The following MCPH1 variants were observed in gnomAD, a reference collection of about 807,000 sequenced individuals.
MCPH1 encodes the protein microcephalin.
MCPH1 carries 104 observed loss-of-function variants against 84.5 expected under a neutral mutation model. That is an observed-to-expected ratio of 1.23 (90% CI 1.05 to 1.45). The LOEUF is 1.45. Ranked by LOEUF, MCPH1 falls within the 40% of genes most tolerant of loss-of-function variation. The pLI is 0.00. For synonymous variants in MCPH1, 514 were observed against 366.8 expected (o/e 1.40, Z -4.58); for missense variants, 1,498 against 1,005.7 (o/e 1.49, Z -6.62).
intron 9 of MCPH1, among the ~76,000 whole-genome samples, chr8:6,461,199 C>T (rs1489098576): frequency 6.6e-6 from 1 of 151,918 alleles, no homozygotes. Context: ...GCTATAACTT[C>T]CATTAGCTTT....
At chr8:6,569,490 G>C (rs1826485696) in intron 12 of MCPH1, among the ~76,000 whole-genome samples, 1 of 152,080 alleles carries the variant, frequency 6.6e-6, no homozygotes, top group South Asian at 2.1e-4. Flanking sequence ...TCCAGCCATG[G>C]GATTTCAAAA....
At chr8:6,528,827 C>A (rs1448587470) in intron 12 of MCPH1, among the ~76,000 whole-genome samples, 1 of 152,220 alleles carries the variant, frequency 6.6e-6, no homozygotes, top group Non-Finnish European at 1.5e-5. Flanking sequence ...CTTGGCTGGT[C>A]CACAGCGTGG....
Position 6,494,914 on chromosome 8 carries a change from TA to T in MCPH1, c.2137-4931del, listed in dbSNP as rs376889274. On this transcript the variant is annotated intron_variant, in intron 11 of 13. Transcript: ENST00000344683. ...TATATTATGCCAATTTCACCTCACTTAAAAAAAGTCATATATGGAAAATAGC... is the reference window on the plus strand; with the variant it reads ...TATATTATGCCAATTTCACCTCACTTAAAAAAGTCATATATGGAAAATAGC... Among the ~76,000 whole-genome samples the T allele has an allele frequency of 1.3e-3, 191 of 152,212 alleles. 3 individuals carry two copies. The East Asian group carries it at 0.031, about 25-fold the overall frequency.
chr8:6,568,661 A>G (rs73661408), intron 12 of MCPH1, among the ~76,000 whole-genome samples: 5,169 of 152,306 alleles, frequency 0.034, 273 homozygotes, highest in African/African-American at 0.11. Context: ...GAAAGGGCTC[A>G]GACACACTTA....
intron 11 of MCPH1, among the ~76,000 whole-genome samples, chr8:6,482,973 A>G (rs1405623528): frequency 6.6e-6 from 1 of 152,236 alleles, no homozygotes; most frequent in East Asian, 1.9e-4. Flanking sequence ...AAAGGAAGAA[A>G]TAGAGTTATC....
intron 3 of MCPH1, among the ~76,000 whole-genome samples, chr8:6,422,225 A>T (rs1800308862): frequency 6.6e-6 from 1 of 152,272 alleles, no homozygotes; most frequent in African/African-American, 2.4e-5. Context: ...TCTAACATTC[A>T]TCTGGCTCAT....
At chr8:6,432,032 A>G (rs1056287633) in intron 4 of MCPH1, among the ~76,000 whole-genome samples, 9 of 152,254 alleles carry the variant, frequency 5.9e-5, no homozygotes, top group African/African-American at 1.9e-4. Context: ...ACAGAGGATC[A>G]GTTCCGGGAC....
At chr8:6,427,686 A>G (rs1254666572) in intron 3 of MCPH1, among the ~76,000 whole-genome samples, 1 of 152,164 alleles carries the variant, frequency 6.6e-6, no homozygotes. Flanking sequence ...GGCTCCTCCC[A>G]TAAGTAAATA....
In MCPH1 at chr8:6,643,146, G is replaced by C; in HGVS notation, c.*97G>C. The C allele has an allele frequency of 9.5e-7, 1 of 1,054,300 alleles. No homozygotes were observed. Among genetic ancestry groups the C allele is most frequent in the Non-Finnish European group, 1.5e-6 (1 of 685,866 alleles). 65.3% of individuals were successfully genotyped at this position (1,054,300 alleles called of 1,614,324 possible). A position where few individuals can be genotyped will look rare whatever the true frequency, so the allele number is the denominator to read the frequency against. On this transcript the variant is annotated 3_prime_UTR_variant, in exon 14 of 14. Transcript: ENST00000344683. ...AAAACTGTGAAGAGAAGGAACTGGC[G>C]TATACAAGATGACTTCTGATATCAT...
chr8:6,628,637 T>A (rs1796939352), intron 13 of MCPH1, among the ~76,000 whole-genome samples: 1 of 152,208 alleles, frequency 6.6e-6, no homozygotes, highest in Non-Finnish European at 1.5e-5. Context: ...CAGCCATGTA[T>A]ATGCTGCTCC....
chr8:6,505,088 C>G (rs1021712758), intron 12 of MCPH1, among the ~76,000 whole-genome samples: 13 of 114,386 alleles, frequency 1.1e-4, no homozygotes, highest in Non-Finnish European at 2.0e-4. Context: ...AACCTCGACC[C>G]AAGCGTCAGG....
Position 6,414,790 on chromosome 8 carries a change from T to C in MCPH1, c.140T>C (p.Val47Ala). Residue 47 changes from valine to alanine, a missense_variant, in exon 3 of 14, where the codon GTA becomes GCA. Transcript: ENST00000344683. ...GTTTCAAAAACTTTTAACAAACAAG[T>C]AACTCACGTTATCTTCAAAGATGGC... ...AKVSKTFNKQ[V>A]THVIFKDGYQ... 2 of 1,613,868 alleles carry C rather than the reference T, an allele frequency of 1.2e-6. No homozygotes were observed. The highest frequency in any genetic ancestry group is 1.7e-6 in the Non-Finnish European group (2 of 1,179,866).
At chr8:6,632,387 T>C (rs1797226420) in intron 13 of MCPH1, among the ~76,000 whole-genome samples, 1 of 152,198 alleles carries the variant, frequency 6.6e-6, no homozygotes, top group African/African-American at 2.4e-5. Flanking sequence ...CAGATAGTTT[T>C]AGTAGTAAGT....
intron 11 of MCPH1, among the ~76,000 whole-genome samples, chr8:6,482,914 G>A (rs138661484): frequency 6.6e-6 from 1 of 152,160 alleles, no homozygotes; most frequent in Non-Finnish European, 1.5e-5. Context: ...GAATGAATGA[G>A]GTACAAGGCA....
intron 9 of MCPH1, among the ~76,000 whole-genome samples, chr8:6,471,399 A>T (rs1563254318): frequency 6.6e-6 from 1 of 152,202 alleles, no homozygotes; most frequent in African/African-American, 2.4e-5. Flanking sequence ...CGCTGAAAAA[A>T]ATGATACTCA....
At chr8:6,571,965 C>T (rs1381491370) in intron 12 of MCPH1, among the ~76,000 whole-genome samples, 1 of 152,064 alleles carries the variant, frequency 6.6e-6, no homozygotes, top group African/African-American at 2.4e-5. Flanking sequence ...CCTAATAATC[C>T]AGAATGTATC....
chr8:6,525,673 A>C (rs1419024094), intron 12 of MCPH1, among the ~76,000 whole-genome samples: 1 of 151,714 alleles, frequency 6.6e-6, no homozygotes, highest in East Asian at 1.9e-4. Context: ...AGTCAGAATT[A>C]AGGTAGAAAA....
At chr8:6,534,207 A>T (rs563219815) in intron 12 of MCPH1, among the ~76,000 whole-genome samples, 8 of 136,486 alleles carry the variant, frequency 5.9e-5, no homozygotes, top group African/African-American at 1.3e-4. Context: ...ATATATTTTA[A>T]AAAAAAAATA....
chr8:6,571,033 A>G (rs971130533), intron 12 of MCPH1, among the ~76,000 whole-genome samples: 2 of 152,176 alleles, frequency 1.3e-5, no homozygotes, highest in African/African-American at 4.8e-5. Flanking sequence ...TTGAGTTTTT[A>G]GAAATAGTTT....
Sources: allele counts gnomAD v4.1 joint callset (sites outside exome capture counted in the v4.1 genomes callset), GRCh38; gene constraint gnomAD v4.1.1; transcripts MANE v1.5; gene names NCBI Gene and HGNC (gene_info 2026-07-23, HGNC 2026-07-21).